PLEKHA8: variants seen among roughly 807,000 people sequenced by gnomAD.
PLEKHA8 encodes pleckstrin homology domain-containing family A member 8.
A neutral mutation model predicts 68.2 loss-of-function variants in PLEKHA8; 36 were observed. The ratio of observed to expected loss-of-function variants is 0.53; its 90% confidence interval spans 0.40 to 0.70. The LOEUF is 0.70. PLEKHA8 is among the 30% of genes least tolerant of loss of function. The pLI is 0.00. For synonymous variants in PLEKHA8, 211 were observed against 216.1 expected (o/e 0.98, Z 0.20); for missense variants, 505 against 615.4 (o/e 0.82, Z 1.90).
intron 13 of PLEKHA8, among the ~76,000 whole-genome samples, chr7:30,110,244 C>A (rs1583478923): frequency 6.6e-6 from 1 of 152,112 alleles, no homozygotes; most frequent in Admixed American, 6.5e-5. Flanking sequence ...CTGTTCTGGA[C>A]TTTTCATATA....
At chr7:30,062,617 C>A (rs1250240248) in intron 11 of PLEKHA8, 55 bp from the exon 12 acceptor site, 3 of 1,294,472 alleles carry the variant, frequency 2.3e-6, no homozygotes, top group Non-Finnish European at 3.4e-6. Flanking sequence ...TTCTTTATAC[C>A]CACTCAACAT....
chr7:30,054,632 A>T, intron 7 of PLEKHA8, 77 bp from the exon 8 acceptor site: 1 of 995,892 alleles, frequency 1.0e-6, no homozygotes, highest in Non-Finnish European at 1.3e-6. Context: ...TCTGTGTTTT[A>T]GAAATTTTCA....
intron 11 of PLEKHA8, 151 bp from the exon 12 acceptor site, chr7:30,062,521 A>G (rs965237706): frequency 1.7e-5 from 11 of 647,278 alleles, no homozygotes; most frequent in Non-Finnish European, 3.0e-5. Flanking sequence ...AGTGAAGGGA[A>G]GAGGTTCAGG....
chr7:30,057,132 A>G (rs1583830753), intron 9 of PLEKHA8, among the ~76,000 whole-genome samples: 2 of 151,900 alleles, frequency 1.3e-5, no homozygotes, highest in East Asian at 3.9e-4. Flanking sequence ...AAATGCATCT[A>G]CCTCTCTAAT....
At chr7:30,115,429 G>A (rs990197971) in intron 13 of PLEKHA8, among the ~76,000 whole-genome samples, 8 of 151,772 alleles carry the variant, frequency 5.3e-5, no homozygotes, top group African/African-American at 1.7e-4. Context: ...TATGTGTTTA[G>A]ATATACATAT....
chr7:30,078,312 ACTCT>A (rs367932539), intron 13 of PLEKHA8, among the ~76,000 whole-genome samples: 53 of 151,738 alleles, frequency 3.5e-4, no homozygotes, highest in African/African-American at 1.3e-3. Context: ...CTTTTCTCAG[ACTCT>A]CTCTCTCAGC....
intron 1 of PLEKHA8, among the ~76,000 whole-genome samples, chr7:30,032,103 T>A (rs956667826): frequency 6.6e-6 from 1 of 152,242 alleles, no homozygotes; most frequent in Non-Finnish European, 1.5e-5. Flanking sequence ...GAGAGTAAAT[T>A]AAAAACATGT....
chr7:30,103,022 T>C (rs541770646), intron 13 of PLEKHA8, among the ~76,000 whole-genome samples: 18 of 152,180 alleles, frequency 1.2e-4, no homozygotes, highest in Non-Finnish European at 2.5e-4. Flanking sequence ...TGAGATTTGA[T>C]TGGCCCTCTG....
intron 1 of PLEKHA8, among the ~76,000 whole-genome samples, chr7:30,037,761 T>C (rs1791213398): frequency 6.6e-6 from 1 of 152,102 alleles, no homozygotes. Flanking sequence ...TTTTTCTGCA[T>C]TTCTACACAA....
At chr7:30,098,113 T>C (rs1445959179) in intron 13 of PLEKHA8, among the ~76,000 whole-genome samples, 1 of 152,218 alleles carries the variant, frequency 6.6e-6, no homozygotes. Context: ...TTTGCCTGGG[T>C]ATCAGCAGCG....
intron 13 of PLEKHA8, chr7:30,115,871 TGTAGGC>T (rs1562558143): frequency 6.9e-6 from 1 of 144,656 alleles, no homozygotes; most frequent in Non-Finnish European, 1.5e-5. Flanking sequence ...TGCACATACA[TGTAGGC>T]ACGCATACAT....
intron 13 of PLEKHA8, among the ~76,000 whole-genome samples, chr7:30,105,461 G>T (rs1796022039): frequency 6.6e-6 from 1 of 152,098 alleles, no homozygotes; most frequent in South Asian, 2.1e-4. Context: ...TCCTTTCTGG[G>T]AGACAGAGCG....
chr7:30,110,306 G>A (rs985581026), intron 13 of PLEKHA8, among the ~76,000 whole-genome samples: 2 of 152,116 alleles, frequency 1.3e-5, no homozygotes, highest in Non-Finnish European at 2.9e-5. Flanking sequence ...CTTTCACTTA[G>A]CACATTTTGC....
At chr7:30,038,586 T>G (rs1791284843) in intron 1 of PLEKHA8, among the ~76,000 whole-genome samples, 1 of 152,240 alleles carries the variant, frequency 6.6e-6, no homozygotes, top group Admixed American at 6.5e-5. Context: ...TGGAATTTTC[T>G]GTATCTTGAT....
chr7:30,034,113 A>G (rs1303251638), intron 1 of PLEKHA8, among the ~76,000 whole-genome samples: 1 of 127,806 alleles, frequency 7.8e-6, no homozygotes, highest in East Asian at 2.5e-4. Context: ...AGTTCAAGCA[A>G]TTCTCCTGCC....
At chr7:30,041,284 T>C (rs1453584197) in intron 1 of PLEKHA8, among the ~76,000 whole-genome samples, 1 of 152,246 alleles carries the variant, frequency 6.6e-6, no homozygotes, top group East Asian at 1.9e-4. Context: ...GGTCACAGTT[T>C]GTGTAGTTAC....
intron 13 of PLEKHA8, among the ~76,000 whole-genome samples, chr7:30,120,976 A>T (rs1796687200): frequency 6.6e-6 from 1 of 151,806 alleles, no homozygotes. Flanking sequence ...TACTAGTAAC[A>T]TATTGACACC....
At chr7:30,128,482 T>A (rs1796819724) in intron 13 of PLEKHA8, among the ~76,000 whole-genome samples, 1 of 152,258 alleles carries the variant, frequency 6.6e-6, no homozygotes, top group Non-Finnish European at 1.5e-5. Context: ...ATATTCACAT[T>A]GATTATGATT....
rs536842949 is a variant in PLEKHA8 at position 30,116,308 on chromosome 7, A to G, written c.1363-12958A>G. ...CATGTATGTATTCATACATGTATAC[A>G]TATATACATACACATATGTGTGTAT... On this transcript the variant is annotated intron_variant, in intron 13 of 13. Coordinates refer to the PLEKHA8 transcript ENST00000396257. Among the ~76,000 whole-genome samples, 98 of 151,884 alleles carry G rather than the reference A, an allele frequency of 6.5e-4. No homozygotes were observed. In the South Asian group the frequency reaches 0.014, roughly 22 times the overall value.
Sources: gnomAD v4.1 joint callset for allele counts (sites outside exome capture counted in the v4.1 genomes callset) on GRCh38, gnomAD v4.1.1 for gene constraint, MANE v1.5 for transcripts, NCBI Gene and HGNC (gene_info 2026-07-23, HGNC 2026-07-21) for gene names.